The following HNF1A variants were observed in gnomAD, a reference collection of about 807,000 sequenced individuals.
HNF1A encodes hepatocyte nuclear factor 1-alpha.
In HNF1A, 21 loss-of-function variants were observed where a neutral mutation model predicts 62.2. That is an observed-to-expected ratio of 0.34 (90% CI 0.24 to 0.49). HNF1A has a LOEUF of 0.49. Among genes scored for constraint, HNF1A ranks in the 20% least tolerant of loss-of-function variants. The pLI is 0.99. For missense variants in HNF1A, 687 were observed against 832.3 expected, an observed-to-expected ratio of 0.83 and a Z score of 2.15; for synonymous variants, 374 against 366.8, an observed-to-expected ratio of 1.02 and a Z score of -0.22.
In HNF1A at chr12:120,987,336, G is replaced by A. The variant is rs564212438; in HGVS notation, c.327-1497G>A. On this transcript the variant is annotated intron_variant, in intron 1 of 9. Transcript: ENST00000257555. The stretch of plus-strand genomic sequence containing the variant: ...AAAAATACAAAAAAATTAGCCGGGC[G>A]TGGTGGCGGGTGCCTGTAGGCCCAG... 1.3e-3 allele frequency among the ~76,000 whole-genome samples: 200 copies of A among 151,988 alleles called. 1 individual carries two copies. Among genetic ancestry groups the A allele is most frequent in the African/African-American group, 4.3e-3 (179 of 41,478 alleles).
chr12:120,997,729 G>A lies in HNF1A; in HGVS notation c.1501+64G>A, dbSNP rs113080762. The A allele has an allele frequency of 1.7e-5, 26 of 1,510,072 alleles. No individual in the cohort carries two copies. The African/African-American group carries it at 2.1e-4, about 12-fold the overall frequency. The allele number at this position is 1,510,072 out of a possible 1,614,324, so 93.5% of individuals were successfully genotyped here. A position where few individuals can be genotyped will look rare whatever the true frequency, so the allele number is the denominator to read the frequency against. On this transcript the variant is annotated intron_variant, in intron 7 of 9. Transcript: ENST00000257555. The stretch of plus-strand genomic sequence containing the variant: ...AGAGGTTGGCTGTCAATGGATGCAG[G>A]GGAAAGGGGTGCCTGGCAGGCATTG...
rs587776825 is a variant in HNF1A, at chr12:120,994,314, G to GCC, written c.871_872dup (p.Gly292GlnfsTer51). ...AGCTGGCCATGGACACGTACAGCGG[G>GCC]CCCCCCCCAGGGCCAGGCCCGGGAC... On this transcript the variant is annotated frameshift_variant, in exon 4 of 10. Transcript: ENST00000257555. LOFTEE classifies it high-confidence loss of function. 1 of 1,605,276 alleles carries GCC rather than the reference G, an allele frequency of 6.2e-7. No individual in the cohort carries two copies.
intron 4 of HNF1A, among the ~76,000 whole-genome samples, chr12:120,994,850 C>T (rs535829911): frequency 1.3e-5 from 2 of 151,290 alleles, no homozygotes; most frequent in African/African-American, 4.8e-5. Flanking sequence ...ATCCCATCTA[C>T]TACATTCAAC....
chr12:120,996,304 T>C lies in HNF1A; in HGVS notation c.998T>C (p.Val333Ala). 1 of 1,614,066 alleles carries C rather than the reference T, an allele frequency of 6.2e-7. No homozygotes were observed. The highest frequency in any genetic ancestry group is 8.5e-7 in the Non-Finnish European group (1 of 1,179,990). Reference protein sequence around the residue: ...GQPATSETAEVPSSSGGPLVT... With the variant: ...GQPATSETAEAPSSSGGPLVT... ...CCTGCGACCAGTGAGACTGCAGAAG[T>C]ACCCTCAAGCAGCGGCGGTCCCTTA... Residue 333 changes from valine (V) to alanine (A), a missense_variant, in exon 5 of 10, where the codon GTA (valine) becomes GCA (alanine). Val to Ala is a moderately conservative substitution (Grantham distance 64, BLOSUM62 0). Coordinates refer to ENST00000257555, the MANE Select transcript of HNF1A (RefSeq NM_000545.8). This position sits in a 1 kb window ranked among gnomAD's most constrained non-coding sequence, Gnocchi z 4.5.
At chr12:120,979,476 T>C in intron 1 of HNF1A, 1 of 243,548 alleles carries the variant, frequency 4.1e-6, no homozygotes, top group Non-Finnish European at 8.1e-6. Flanking sequence ...CCCTAACTCC[T>C]GCACTGAGTC....
chr12:120,993,815 T>C (rs985853272), intron 3 of HNF1A, 109 bp downstream of exon 3: 8 of 1,169,326 alleles, frequency 6.8e-6, no homozygotes, highest in Middle Eastern at 5.1e-4. Context: ...TGCCGAGAAC[T>C]CCTGATATTG....
rs561666099 is a variant in HNF1A at position 120,991,555 on chromosome 12, C to T, written c.527-1965C>T. On this transcript the variant is annotated intron_variant, in intron 2 of 9. Transcript: ENST00000257555. ...GTTGCAGTGAGCCAAGATCACGCCACTGCACTCCAGCCTGGGTGACAGAGG... is the reference window on the plus strand; with the variant it reads ...GTTGCAGTGAGCCAAGATCACGCCATTGCACTCCAGCCTGGGTGACAGAGG... Among the ~76,000 whole-genome samples, 20 of 152,324 alleles carry T rather than the reference C, an allele frequency of 1.3e-4. 2 individuals are homozygous for T. Among genetic ancestry groups the T allele is most frequent in the African/African-American group, 4.8e-4 (20 of 41,560 alleles).
At chr12:120,990,467 A>G (rs1175630592) in intron 2 of HNF1A, among the ~76,000 whole-genome samples, 1 of 135,424 alleles carries the variant, frequency 7.4e-6, no homozygotes, top group Admixed American at 6.9e-5. Context: ...ATAGCCAGGC[A>G]TGGTGGTGTG....
chr12:121,000,840 TTCAC>T (rs1459377384), intron 9 of HNF1A: 4 of 586,570 alleles, frequency 6.8e-6, no homozygotes, highest in Non-Finnish European at 1.2e-5. Flanking sequence ...TTCTCCAGTG[TTCAC>T]ACTAAGATGT....
At chr12:121,000,194 G>C (rs1293757135) in intron 9 of HNF1A, among the ~76,000 whole-genome samples, 5 of 152,272 alleles carry the variant, frequency 3.3e-5, no homozygotes, top group Middle Eastern at 3.4e-3. Flanking sequence ...GGGCACTTTG[G>C]AGTCAGGTGG....
intron 1 of HNF1A, among the ~76,000 whole-genome samples, chr12:120,986,912 A>G (rs902828813): frequency 4.6e-5 from 7 of 152,126 alleles, no homozygotes; most frequent in African/African-American, 1.7e-4. Context: ...TTGGTAATAT[A>G]AGTTCAGGAG....
At chr12:120,999,134 A>T in intron 7 of HNF1A, 134 bp from the exon 8 acceptor site, 2 of 1,074,208 alleles carry the variant, frequency 1.9e-6, no homozygotes, top group East Asian at 2.4e-5. Flanking sequence ...TTTGAAAATC[A>T]GCCCTGGATC....
intron 3 of HNF1A, 129 bp from the exon 4 acceptor site, chr12:120,994,035 C>A: frequency 1.6e-6 from 2 of 1,250,688 alleles, no homozygotes; most frequent in Non-Finnish European, 2.3e-6. Flanking sequence ...GCAGACCTGG[C>A]ATTGGAACCC....
intron 3 of HNF1A, 93 bp downstream of exon 3, chr12:120,993,799 TC>T: frequency 7.5e-7 from 1 of 1,339,328 alleles, no homozygotes; most frequent in Non-Finnish European, 1.0e-6. Context: ...TAAAAGGCTG[TC>T]CAGTTGCCGA....
chr12:120,983,632 G>A (rs1192661496), intron 1 of HNF1A, among the ~76,000 whole-genome samples: 1 of 150,882 alleles, frequency 6.6e-6, no homozygotes, highest in Non-Finnish European at 1.5e-5. Context: ...TGCAACCTCC[G>A]CCTCCCGGGT....
chr12:120,997,216 G>GT, intron 6 of HNF1A: 4 of 1,423,096 alleles, frequency 2.8e-6, no homozygotes, highest in Non-Finnish European at 3.7e-6. Flanking sequence ...GGGAACCGCA[G>GT]TTTGACAACT....
intron 2 of HNF1A, among the ~76,000 whole-genome samples, chr12:120,992,563 G>C (rs1186351207): frequency 6.6e-6 from 1 of 152,068 alleles, no homozygotes; most frequent in Non-Finnish European, 1.5e-5. Flanking sequence ...CATAAAAAGT[G>C]CCCAAATCCA....
intron 2 of HNF1A, 136 bp from the exon 3 acceptor site, chr12:120,993,384 G>T (rs1236382515): frequency 1.2e-6 from 1 of 819,628 alleles, no homozygotes; most frequent in Non-Finnish European, 2.0e-6. Context: ...TAGATTAGAT[G>T]ATTTCTAAGT....
In HNF1A at chr12:120,988,963, C is replaced by T. The variant is rs1295892409; in HGVS notation, c.457C>T (p.Pro153Ser). The T allele has an allele frequency of 1.2e-6, 2 of 1,614,248 alleles. No homozygotes were observed. Among genetic ancestry groups the T allele is most frequent in the South Asian group, 2.2e-5 (2 of 91,086 alleles). ...HLSQHLNKGTPMKTQKRAALY... is the reference protein window; with the variant it reads ...HLSQHLNKGTSMKTQKRAALY... ...GTCCCAACACCTCAACAAGGGCACT[C>T]CCATGAAGACGCAGAAGCGGGCCGC... Residue 153 changes from proline (P) to serine (S), a missense_variant, in exon 2 of 10, where the codon CCC becomes TCC. By Grantham distance (74) the Pro-to-Ser change is moderately conservative. Transcript: ENST00000257555.
Sources: gnomAD v4.1 joint callset for allele counts (sites outside exome capture counted in the v4.1 genomes callset) on GRCh38, gnomAD v4.1.1 for gene constraint, Gnocchi (gnomAD v3.1) non-coding constraint, MANE v1.5 for transcripts, NCBI Gene and HGNC (gene_info 2026-07-23, HGNC 2026-07-21) for gene names.